The following USP32 variants were observed in gnomAD, a reference collection of about 807,000 sequenced individuals.
USP32 encodes ubiquitin carboxyl-terminal hydrolase 32.
Under a neutral mutation model 204.8 loss-of-function variants are expected in USP32, and 59 were observed. That is an observed-to-expected ratio of 0.29 (90% confidence interval 0.23 to 0.36). The LOEUF is 0.36. Ranked by LOEUF, USP32 falls within the 10% of genes least tolerant of loss-of-function variation. The pLI is 1.00. For synonymous variants in USP32, 517 were observed against 678.4 expected, an observed-to-expected ratio of 0.76 and a Z score of 3.70; for missense variants, 1,160 against 1,946.4, an observed-to-expected ratio of 0.60 and a Z score of 7.60.
chr17:60,295,700 A>T (rs1284027795), intron 3 of USP32, among the ~76,000 whole-genome samples: 1 of 152,228 alleles, frequency 6.6e-6, no homozygotes, highest in Non-Finnish European at 1.5e-5. Flanking sequence ...ATATTTTAAC[A>T]GAGAGAGTGA....
At chr17:60,329,483 T>TA (rs1284088946) in intron 2 of USP32, among the ~76,000 whole-genome samples, 5 of 150,756 alleles carry the variant, frequency 3.3e-5, no homozygotes, top group African/African-American at 1.2e-4. Flanking sequence ...TTTATTTATT[T>TA]TTTTTTTTTG....
intron 11 of USP32, among the ~76,000 whole-genome samples, chr17:60,240,511 AG>A (rs2085849292): frequency 1.3e-5 from 2 of 152,018 alleles, no homozygotes; most frequent in Non-Finnish European, 2.9e-5. Context: ...AGAGAGAGAG[AG>A]ACAAAAGACA....
At chr17:60,334,500 C>A (rs2088467655) in intron 2 of USP32, among the ~76,000 whole-genome samples, 3 of 151,828 alleles carry the variant, frequency 2.0e-5, no homozygotes, top group South Asian at 4.1e-4. Flanking sequence ...TGAAAAAAAT[C>A]TGTGTATAAG....
chr17:60,209,016 A>T (rs1174965032), intron 22 of USP32, among the ~76,000 whole-genome samples, 188 bp from the exon 23 acceptor site: 1 of 152,164 alleles, frequency 6.6e-6, no homozygotes, highest in Non-Finnish European at 1.5e-5. Flanking sequence ...TCAAGGTAAC[A>T]ATGGTAAATA....
intron 1 of USP32, among the ~76,000 whole-genome samples, chr17:60,349,596 A>AATATAT (rs1187939098): frequency 1.5e-5 from 1 of 65,200 alleles, no homozygotes; most frequent in African/African-American, 7.3e-5. Flanking sequence ...AAAAAAAAAA[A>AATATAT]ATATATATAT....
upstream of USP32, among the ~76,000 whole-genome samples, chr17:60,395,627 A>G (rs931621948): frequency 3.3e-5 from 5 of 152,238 alleles, no homozygotes; most frequent in Non-Finnish European, 5.9e-5. Context: ...AACTTAATCC[A>G]TTGAAGAGTT....
At chr17:60,277,448 C>T (rs557181227) in intron 5 of USP32, among the ~76,000 whole-genome samples, 1 of 152,184 alleles carries the variant, frequency 6.6e-6, no homozygotes, top group Non-Finnish European at 1.5e-5. Flanking sequence ...GCATCACTAA[C>T]GGATAAGAGG....
At chr17:60,366,439 G>A (rs2089315436) in intron 1 of USP32, among the ~76,000 whole-genome samples, 1 of 152,120 alleles carries the variant, frequency 6.6e-6, no homozygotes, top group African/African-American at 2.4e-5. Flanking sequence ...TTACAGGCAT[G>A]AGCCACAGTA....
At chr17:60,351,440 CT>C (rs57834785) in intron 1 of USP32, among the ~76,000 whole-genome samples, 15 of 147,080 alleles carry the variant, frequency 1.0e-4, no homozygotes, top group Non-Finnish European at 3.0e-5. Flanking sequence ...TGCCAGGCTT[CT>C]TTTTTTTTTT....
intron 11 of USP32, among the ~76,000 whole-genome samples, chr17:60,242,496 C>T (rs573797397): frequency 4.6e-5 from 7 of 152,142 alleles, no homozygotes; most frequent in Admixed American, 4.6e-4. Flanking sequence ...CTGCAACCTC[C>T]GCCTCCTGGG....
chr17:60,345,647 G>A, intron 1 of USP32, 39 bp from the exon 2 acceptor site: 2 of 1,612,264 alleles, frequency 1.2e-6, no homozygotes, highest in Admixed American at 1.7e-5. Flanking sequence ...GAAATCAGGA[G>A]AGAAAAGAGG....
intron 1 of USP32, among the ~76,000 whole-genome samples, chr17:60,382,974 G>A (rs765094485): frequency 5.9e-5 from 9 of 151,998 alleles, no homozygotes; most frequent in East Asian, 1.9e-4. Flanking sequence ...CAGGCCGGGC[G>A]CGGTGGTTCA....
At position 60,223,493 on chromosome 17, in the gene USP32, T is replaced by A. The variant is rs763974987; in HGVS notation, c.1526A>T (p.Asn509Ile). 1.2e-6 allele frequency: 2 copies of A among 1,613,968 alleles called. No homozygotes were observed. The highest frequency in any genetic ancestry group is 3.3e-5 in the Admixed American group (2 of 59,968). The change falls in exon 14 of 34, where the codon AAT (asparagine) becomes ATT (isoleucine). Residue 509 changes from asparagine to isoleucine, a missense_variant. Transcript: ENST00000300896. The stretch of plus-strand genomic sequence containing the variant: ...GTTAAGGTGCAACAAAATATTCCCA[T>A]TGGCTCCCAGCAAACACTGGTTGTT... Reference protein sequence around the residue: ...DNNNQCLLGANGNILLHLNPQ... With the variant: ...DNNNQCLLGAIGNILLHLNPQ...
chr17:60,257,726 C>T (rs1208785491), intron 9 of USP32, among the ~76,000 whole-genome samples: 1 of 151,964 alleles, frequency 6.6e-6, no homozygotes, highest in East Asian at 1.9e-4. Flanking sequence ...TTAGGCAATC[C>T]TCCTACCTTG....
chr17:60,401,578 T>C (rs753496123), intron 1 of USP32, among the ~76,000 whole-genome samples: 5 of 151,632 alleles, frequency 3.3e-5, no homozygotes, highest in Non-Finnish European at 7.4e-5. Flanking sequence ...AATCAAGGGT[T>C]AAAAGTAGAC....
At chr17:60,345,099 G>T (rs1370338050) in intron 2 of USP32, among the ~76,000 whole-genome samples, 6 of 152,042 alleles carry the variant, frequency 3.9e-5, no homozygotes, top group Non-Finnish European at 8.8e-5. Flanking sequence ...TAATTTTATA[G>T]AATTAACTAT....
chr17:60,230,307 T>A (rs2085512371), intron 12 of USP32, among the ~76,000 whole-genome samples: 2 of 152,282 alleles, frequency 1.3e-5, no homozygotes, highest in East Asian at 3.9e-4. Context: ...CTAAAGAAAA[T>A]GTAAATGAAA....
At chr17:60,253,638 C>T (rs138844900) in intron 10 of USP32, among the ~76,000 whole-genome samples, 166 of 152,048 alleles carry the variant, frequency 1.1e-3, no homozygotes, top group African/African-American at 3.8e-3. Flanking sequence ...TGGTGGCACA[C>T]GCCTGTAATC....
At chr17:60,203,640 G>A (rs2084746267) in intron 26 of USP32, among the ~76,000 whole-genome samples, 1 of 151,740 alleles carries the variant, frequency 6.6e-6, no homozygotes, top group South Asian at 2.1e-4. Context: ...GCAATGGCAC[G>A]ATCTCGGCTC....
Sources: gnomAD v4.1 joint callset for allele counts (sites outside exome capture counted in the v4.1 genomes callset) on GRCh38, gnomAD v4.1.1 for gene constraint, MANE v1.5 for transcripts, NCBI Gene and HGNC (gene_info 2026-07-23, HGNC 2026-07-21) for gene names.